The following MRPL1 variants were observed in gnomAD, a reference collection of about 807,000 sequenced individuals.
The protein encoded by MRPL1 is large ribosomal subunit protein uL1m.
MRPL1 carries 28 observed loss-of-function variants against 38.0 expected under a neutral mutation model. The ratio of observed to expected loss-of-function variants is 0.74; its 90% CI spans 0.55 to 1.01. The LOEUF is 1.01. MRPL1 is among the 50% of genes least tolerant of loss of function. The pLI is 0.00. For missense variants in MRPL1, 358 were observed against 389.8 expected, an observed-to-expected ratio of 0.92 and a Z score of 0.69; for synonymous variants, 123 against 126.7, an observed-to-expected ratio of 0.97 and a Z score of 0.20.
chr4:77,896,451 C>T (rs966335384), intron 6 of MRPL1, among the ~76,000 whole-genome samples: 1 of 152,108 alleles, frequency 6.6e-6, no homozygotes, highest in Non-Finnish European at 1.5e-5. Flanking sequence ...TTTAATGGCA[C>T]TGGTAAAACA....
chr4:77,870,389 A>G (rs113100985), intron 1 of MRPL1, among the ~76,000 whole-genome samples: 2,396 of 152,312 alleles, frequency 0.016, 22 homozygotes, highest in Non-Finnish European at 0.025. Context: ...GTGATTTTTC[A>G]AAGTGCTGGG....
At chr4:77,912,343 A>G (rs1344356373) in intron 7 of MRPL1, among the ~76,000 whole-genome samples, 1 of 152,188 alleles carries the variant, frequency 6.6e-6, no homozygotes, top group Admixed American at 6.5e-5. Flanking sequence ...AGCTACTAGA[A>G]CAACGAAGTG....
chr4:77,936,233 C>A (rs1272847093), intron 7 of MRPL1, among the ~76,000 whole-genome samples: 1 of 151,458 alleles, frequency 6.6e-6, no homozygotes, highest in Admixed American at 6.6e-5. Context: ...AACACTGTAT[C>A]TTGAACACTT....
chr4:77,910,882 T>G (rs1395261865), intron 7 of MRPL1, among the ~76,000 whole-genome samples: 3 of 152,202 alleles, frequency 2.0e-5, no homozygotes, highest in East Asian at 3.9e-4. Context: ...AGTCTAATGT[T>G]GGAATTTCCT....
At position 77,909,378 on chromosome 4, in the gene MRPL1, T is replaced by A. The variant is rs1311284162; in HGVS notation, c.777+6T>A. 5.5e-6 allele frequency: 8 copies of A among 1,463,334 alleles called. No individual in the cohort carries two copies. The highest frequency in any genetic ancestry group is 7.6e-6 in the Non-Finnish European group (8 of 1,053,782). The allele number at this position is 1,463,334 out of a possible 1,614,324, so 90.6% of individuals were successfully genotyped here. On this transcript the variant is annotated splice_donor_region_variant and intron_variant, in intron 7 of 8. Coordinates refer to ENST00000315567, the MANE Select transcript of MRPL1 (RefSeq NM_020236.4). Reference sequence around the variant, plus strand: ...TCCAGACCAAAATAGCAACAGTAAGTTACAATGAAAATTATCAAATAATCC... The same window carrying A: ...TCCAGACCAAAATAGCAACAGTAAGATACAATGAAAATTATCAAATAATCC...
chr4:77,868,175 G>T (rs1489001583), intron 1 of MRPL1, among the ~76,000 whole-genome samples: 1 of 151,684 alleles, frequency 6.6e-6, no homozygotes, highest in Non-Finnish European at 1.5e-5. Context: ...TGATTTTCCT[G>T]CTTCAGCCTC....
chr4:77,870,892 C>T (rs1735265731), intron 1 of MRPL1, among the ~76,000 whole-genome samples: 2 of 152,072 alleles, frequency 1.3e-5, no homozygotes, highest in Non-Finnish European at 2.9e-5. Flanking sequence ...CCTTCAAAGA[C>T]CTGTGTACCT....
At chr4:77,912,621 T>A (rs1351182715) in intron 7 of MRPL1, among the ~76,000 whole-genome samples, 1 of 152,144 alleles carries the variant, frequency 6.6e-6, no homozygotes. Context: ...GTTAAAAATA[T>A]CAATTTTCCC....
At chr4:77,875,668 A>G (rs1472116595) in intron 2 of MRPL1, among the ~76,000 whole-genome samples, 1 of 152,062 alleles carries the variant, frequency 6.6e-6, no homozygotes. Context: ...AAAAAAAAAG[A>G]ATTTTGCAGG....
At chr4:77,902,339 A>G (rs1736053668) in intron 6 of MRPL1, among the ~76,000 whole-genome samples, 1 of 151,094 alleles carries the variant, frequency 6.6e-6, no homozygotes, top group Admixed American at 6.6e-5. Context: ...GTGCCTGTGC[A>G]TAGCCACTGT....
chr4:77,939,650 C>T (rs1331400444), intron 7 of MRPL1, among the ~76,000 whole-genome samples: 1 of 152,154 alleles, frequency 6.6e-6, no homozygotes, highest in African/African-American at 2.4e-5. Flanking sequence ...CCGATGTTAT[C>T]TTCTAGAATT....
chr4:77,931,526 G>A (rs141299096), intron 7 of MRPL1, among the ~76,000 whole-genome samples: 1 of 152,306 alleles, frequency 6.6e-6, no homozygotes, highest in East Asian at 1.9e-4. Flanking sequence ...CAATTCTACT[G>A]ACGTTAGCAA....
chr4:77,877,590 T>TA (rs1491244093), intron 2 of MRPL1, among the ~76,000 whole-genome samples: 1 of 88,388 alleles, frequency 1.1e-5, no homozygotes, highest in Non-Finnish European at 2.2e-5. Flanking sequence ...TTGGGAGGGA[T>TA]TTTTTTTTTT....
chr4:77,911,175 G>T (rs1033310557), intron 7 of MRPL1, among the ~76,000 whole-genome samples: 1 of 152,078 alleles, frequency 6.6e-6, no homozygotes, highest in African/African-American at 2.4e-5. Flanking sequence ...TTTTAAAATG[G>T]TAACATCTAT....
intron 8 of MRPL1, 146 bp downstream of exon 8, chr4:77,950,024 A>T: frequency 2.1e-6 from 1 of 469,392 alleles, no homozygotes; most frequent in East Asian, 3.4e-5. Context: ...TGCAAGTTTT[A>T]TATTTCCAGG....
chr4:77,903,883 TA>T (rs1002132333), intron 6 of MRPL1, among the ~76,000 whole-genome samples: 20 of 148,694 alleles, frequency 1.3e-4, no homozygotes, highest in Middle Eastern at 3.2e-3. Flanking sequence ...CAGAAAGCTT[TA>T]AAAAAAAAAG....
chr4:77,897,670 T>G (rs1735948294), intron 6 of MRPL1, among the ~76,000 whole-genome samples: 3 of 152,228 alleles, frequency 2.0e-5, no homozygotes, highest in African/African-American at 7.2e-5. Context: ...GAATTTGGTG[T>G]TGTATCATAC....
chr4:77,863,022 T>C, intron 1 of MRPL1, 143 bp downstream of exon 1: 1 of 990,298 alleles, frequency 1.0e-6, no homozygotes, highest in South Asian at 1.4e-5. Flanking sequence ...GGGTGGGTCA[T>C]TACTACTTAA....
intron 7 of MRPL1, among the ~76,000 whole-genome samples, chr4:77,948,771 C>CTTTTT (rs199944670): frequency 2.2e-5 from 3 of 139,112 alleles, no homozygotes; most frequent in African/African-American, 7.9e-5. Flanking sequence ...TCTTCTTCTT[C>CTTTTT]TTTTTTTTTT....
Sources: allele counts gnomAD v4.1 joint callset (sites outside exome capture counted in the v4.1 genomes callset), GRCh38; gene constraint gnomAD v4.1.1; transcripts MANE v1.5; gene names NCBI Gene and HGNC (gene_info 2026-07-23, HGNC 2026-07-21).